Variants in CDH13 observed in about 807,000 individuals in gnomAD.
The protein encoded by CDH13 is cadherin 13, also known as cadherin-13.
CDH13 carries 24 observed loss-of-function variants against 63.8 expected under a neutral mutation model. That is an observed-to-expected ratio of 0.38 (90% CI 0.27 to 0.53). The LOEUF is 0.53. CDH13 is among the 20% of genes least tolerant of loss of function. The pLI is 0.85. For missense variants in CDH13, 1,049 were observed against 903.1 expected, an observed-to-expected ratio of 1.16 and a Z score of -2.07; for synonymous variants, 503 against 355.3, an observed-to-expected ratio of 1.42 and a Z score of -4.67.
intron 10 of CDH13, among the ~76,000 whole-genome samples, chr16:83,680,283 G>T (rs1316817236): frequency 1.3e-5 from 2 of 152,122 alleles, no homozygotes; most frequent in Non-Finnish European, 2.9e-5. Flanking sequence ...CTGGAGCTGG[G>T]GTCATGCACC....
chr16:83,620,639 G>A (rs1909727555), intron 8 of CDH13, among the ~76,000 whole-genome samples: 1 of 152,100 alleles, frequency 6.6e-6, no homozygotes, highest in Non-Finnish European at 1.5e-5. Flanking sequence ...CACGCCACAT[G>A]CTCTCTCTCA....
chr16:83,366,425 G>A (rs1368367849), intron 6 of CDH13, among the ~76,000 whole-genome samples: 3 of 152,148 alleles, frequency 2.0e-5, no homozygotes, highest in Non-Finnish European at 4.4e-5. Flanking sequence ...GGAGCTTTAC[G>A]TGCGAGTCCC....
intron 2 of CDH13, among the ~76,000 whole-genome samples, chr16:83,014,772 A>ATATG (rs1315293829): frequency 2.9e-5 from 2 of 69,596 alleles, no homozygotes; most frequent in African/African-American, 6.2e-5. Context: ...ATATATATAT[A>ATATG]TATGTATATA....
At chr16:83,251,548 G>T (rs1406683915) in intron 5 of CDH13, among the ~76,000 whole-genome samples, 1 of 152,196 alleles carries the variant, frequency 6.6e-6, no homozygotes, top group Non-Finnish European at 1.5e-5. Flanking sequence ...TCCTCATTCT[G>T]ATGGGTCCAA....
At chr16:83,349,846 C>A (rs982870493) in intron 6 of CDH13, among the ~76,000 whole-genome samples, 1 of 152,062 alleles carries the variant, frequency 6.6e-6, no homozygotes, top group African/African-American at 2.4e-5. Context: ...GGTTATCCGC[C>A]CACCTTGGCC....
chr16:83,772,410 T>C (rs1254551656), intron 11 of CDH13, among the ~76,000 whole-genome samples: 3 of 152,142 alleles, frequency 2.0e-5, no homozygotes, highest in Non-Finnish European at 4.4e-5. Flanking sequence ...CTTAGAACAC[T>C]GGACATCCCA....
intron 5 of CDH13, among the ~76,000 whole-genome samples, chr16:83,271,310 T>G (rs969899888): frequency 1.3e-5 from 2 of 149,896 alleles, no homozygotes; most frequent in Non-Finnish European, 3.0e-5. Context: ...TACGGATAAG[T>G]GATCAGGGCA....
chr16:82,799,666 G>A (rs941297288), intron 1 of CDH13, among the ~76,000 whole-genome samples: 5 of 152,062 alleles, frequency 3.3e-5, no homozygotes, highest in Admixed American at 2.0e-4. Context: ...TCTCATATTC[G>A]GCCTCTAATT....
At chr16:82,938,256 C>G (rs2042729670) in intron 2 of CDH13, among the ~76,000 whole-genome samples, 1 of 152,120 alleles carries the variant, frequency 6.6e-6, no homozygotes, top group African/African-American at 2.4e-5. Flanking sequence ...TATATCTTAC[C>G]TCAGTAAAGA....
intron 6 of CDH13, among the ~76,000 whole-genome samples, chr16:83,366,551 A>G (rs1432052299): frequency 6.6e-6 from 1 of 152,150 alleles, no homozygotes; most frequent in Non-Finnish European, 1.5e-5. Context: ...CACTGACAGA[A>G]CGACATCATC....
chr16:83,601,587 T>C (rs867844848), intron 7 of CDH13, among the ~76,000 whole-genome samples: 21 of 152,258 alleles, frequency 1.4e-4, no homozygotes, highest in Admixed American at 6.5e-4. Context: ...ATCTGTAAAA[T>C]GGGAACAATG....
At chr16:82,785,268 C>T (rs529323262) in intron 1 of CDH13, among the ~76,000 whole-genome samples, 68 of 152,242 alleles carry the variant, frequency 4.5e-4, no homozygotes, top group African/African-American at 1.6e-3. Flanking sequence ...CCACCAGTCC[C>T]AGGTATGCAG....
chr16:83,563,825 C>G (rs189196645), intron 7 of CDH13, among the ~76,000 whole-genome samples: 1 of 152,274 alleles, frequency 6.6e-6, no homozygotes, highest in East Asian at 1.9e-4. Flanking sequence ...CCTACCATCT[C>G]TCTCGGTAAC....
chr16:83,562,675 T>A (rs1282509314), intron 7 of CDH13, among the ~76,000 whole-genome samples: 1 of 152,192 alleles, frequency 6.6e-6, no homozygotes, highest in African/African-American at 2.4e-5. Flanking sequence ...GTGAAGAACG[T>A]TTTTGATGTC....
At chr16:83,201,733 TAAAAAAAAATTAAA>T (rs2039037043) in intron 4 of CDH13, among the ~76,000 whole-genome samples, 1 of 138,872 alleles carries the variant, frequency 7.2e-6, no homozygotes, top group South Asian at 2.2e-4. Context: ...CCGTCTCTAA[TAAAAAAAAATTAAA>T]AAAAAAAAAA....
At chr16:83,059,843 G>T (rs2031359008) in intron 3 of CDH13, among the ~76,000 whole-genome samples, 1 of 141,318 alleles carries the variant, frequency 7.1e-6, no homozygotes, top group African/African-American at 2.7e-5. Flanking sequence ...CACCCAGGCT[G>T]GAGTGCAGTG....
intron 6 of CDH13, among the ~76,000 whole-genome samples, chr16:83,379,658 A>G (rs2091520478): frequency 6.6e-6 from 1 of 152,114 alleles, no homozygotes; most frequent in Non-Finnish European, 1.5e-5. Flanking sequence ...TTACACAACA[A>G]CAGACTTGAA....
intron 6 of CDH13, among the ~76,000 whole-genome samples, chr16:83,391,898 G>T (rs1487872850): frequency 6.6e-6 from 1 of 152,098 alleles, no homozygotes; most frequent in Non-Finnish European, 1.5e-5. Flanking sequence ...AATCGAGTTG[G>T]GTTCTAGACT....
At chr16:82,979,515 A>G (rs1480426015) in intron 2 of CDH13, among the ~76,000 whole-genome samples, 12 of 151,982 alleles carry the variant, frequency 7.9e-5, no homozygotes, top group Non-Finnish European at 1.6e-4. Flanking sequence ...GTGAATTCTC[A>G]TGGGATCTGA....
Sources: gnomAD v4.1 joint callset for allele counts (sites outside exome capture counted in the v4.1 genomes callset) on GRCh38, gnomAD v4.1.1 for gene constraint, MANE v1.5 for transcripts, NCBI Gene and HGNC (gene_info 2026-07-23, HGNC 2026-07-21) for gene names.